GPR146: variants seen among roughly 807,000 people sequenced by gnomAD.
GPR146 encodes the protein G protein-coupled receptor 146.
For synonymous variants in GPR146, 203 were observed against 104.3 expected (o/e 1.95, Z -5.77); for missense variants, 381 against 213.9 (o/e 1.78, Z -4.87).
rs1192771700 is a variant in GPR146, at chr7:1,058,815, T to A, written c.*298T>A. The A allele has an allele frequency of 2.4e-6, 1 of 417,816 alleles. No individual in the cohort carries two copies. The highest frequency in any genetic ancestry group is 2.0e-5 in the African/African-American group (1 of 50,708). 25.9% of individuals were successfully genotyped at this position (417,816 alleles called of 1,614,324 possible). A position where few individuals can be genotyped will look rare whatever the true frequency, so the allele number is the denominator to read the frequency against. ...GCCTCCTCAGCATTCAGTTTGTCAATGAAGTGATGAAAGCTTAGAGCCAGT... is the reference window on the plus strand; with the variant it reads ...GCCTCCTCAGCATTCAGTTTGTCAAAGAAGTGATGAAAGCTTAGAGCCAGT... On this transcript the variant is annotated 3_prime_UTR_variant, in exon 2 of 2. Coordinates refer to ENST00000444847, the MANE Select transcript of GPR146 (RefSeq NM_001303473.2).
chr7:1,054,219 G>A (rs190644761), intron 1 of GPR146, among the ~76,000 whole-genome samples: 7 of 152,328 alleles, frequency 4.6e-5, no homozygotes, highest in East Asian at 1.9e-4. Context: ...GGGCCAACAC[G>A]CAAAGCGCGT....
rs1196153610 is a variant in GPR146, at chr7:1,058,031, C to T, written c.516C>T (p.Ser172=). The change falls in exon 2 of 2, where the codon TCC becomes TCT. Residue 172 remains serine (S), a synonymous_variant. Transcript: ENST00000444847. ...TCTTCTACATCTGCAGCCATGTGTC[C>T]ACCCGCGCGCTAGAGTGCGCCAAGA... The part of the protein sequence containing the change: ...SLLFYICSHV[S]TRALECAKMQ... 1.3e-6 allele frequency: 1 copy of T among 769,358 alleles called. No individual in the cohort carries two copies. The highest frequency in any genetic ancestry group is 2.4e-6 in the Non-Finnish European group (1 of 417,986). The allele number at this position is 769,358 out of a possible 1,614,324, so 47.7% of individuals were successfully genotyped here.
At chr7:1,051,100 G>A (rs926191313) in intron 1 of GPR146, among the ~76,000 whole-genome samples, 1 of 152,208 alleles carries the variant, frequency 6.6e-6, no homozygotes. Flanking sequence ...CAGCACACCC[G>A]GACTTCTCGG....
intron 1 of GPR146, among the ~76,000 whole-genome samples, chr7:1,051,424 G>A (rs772691177): frequency 3.3e-5 from 5 of 152,240 alleles, no homozygotes; most frequent in Non-Finnish European, 7.3e-5. Context: ...GAGCACATTT[G>A]CTCACGTCTC....
At chr7:1,047,841 CAGT>C (rs373662480) in intron 1 of GPR146, among the ~76,000 whole-genome samples, 1 of 152,234 alleles carries the variant, frequency 6.6e-6, no homozygotes, top group African/African-American at 2.4e-5. Flanking sequence ...CCTTTCTACT[CAGT>C]GGGGAAATTG....
intron 1 of GPR146, among the ~76,000 whole-genome samples, chr7:1,050,072 C>T (rs2128195499): frequency 1.3e-5 from 2 of 152,372 alleles, no homozygotes; most frequent in East Asian, 3.9e-4. Flanking sequence ...GCGGGCCCCA[C>T]TCTGAACCGC....
At chr7:1,051,391 A>C (rs1783097187) in intron 1 of GPR146, among the ~76,000 whole-genome samples, 1 of 152,234 alleles carries the variant, frequency 6.6e-6, no homozygotes, top group African/African-American at 2.4e-5. Flanking sequence ...TAAGGGGTGC[A>C]GCAGTTTCCC....
chr7:1,045,631 ATAAT>A (rs1474029848), intron 1 of GPR146: 1 of 152,250 alleles, frequency 6.6e-6, no homozygotes, highest in Non-Finnish European at 1.5e-5. Context: ...GGCACTGTTA[ATAAT>A]TAGACGAAGT....
At chr7:1,054,758 G>A (rs888256969) in intron 1 of GPR146, among the ~76,000 whole-genome samples, 4 of 152,178 alleles carry the variant, frequency 2.6e-5, no homozygotes, top group African/African-American at 9.7e-5. Flanking sequence ...GTGTGGGGCC[G>A]GCTCAGCTTT....
At chr7:1,048,998 T>C (rs1782843608) in intron 1 of GPR146, among the ~76,000 whole-genome samples, 1 of 152,186 alleles carries the variant, frequency 6.6e-6, no homozygotes, top group South Asian at 2.1e-4. Context: ...ACCATAAAAC[T>C]GCAAAGCCTC....
At chr7:1,055,668 C>T (rs116783339) in intron 1 of GPR146, among the ~76,000 whole-genome samples, 2,613 of 152,272 alleles carry the variant, frequency 0.017, 44 homozygotes, top group African/African-American at 0.046. Context: ...ACAGAGCACA[C>T]TGAGGGGTCC....
intron 1 of GPR146, among the ~76,000 whole-genome samples, chr7:1,049,796 C>T (rs376159911): frequency 3.9e-5 from 6 of 152,222 alleles, no homozygotes; most frequent in Admixed American, 1.3e-4. Flanking sequence ...GGACTGTTTT[C>T]GGTCAAATTT....
intron 1 of GPR146, among the ~76,000 whole-genome samples, chr7:1,046,622 G>A (rs1782604742): frequency 1.3e-5 from 2 of 152,176 alleles, no homozygotes; most frequent in South Asian, 4.1e-4. Context: ...TGCTGCCCGG[G>A]ACCAGAAGTC....
chr7:1,056,776 G>A (rs1783825147), intron 1 of GPR146: 2 of 151,908 alleles, frequency 1.3e-5, no homozygotes, highest in Non-Finnish European at 2.9e-5. Flanking sequence ...TCCGAGAGTA[G>A]GAGGTCAGCC....
Position 1,058,961 on chromosome 7 carries a change from AG to A in GPR146, c.*447del, listed in dbSNP as rs373084012. 20 of 187,076 alleles carry A rather than the reference AG, an allele frequency of 1.1e-4. No homozygotes were observed. The highest frequency in any genetic ancestry group is 4.5e-4 in the African/African-American group (19 of 41,884). 11.6% of individuals were successfully genotyped at this position (187,076 alleles called of 1,614,324 possible). ...ACCCTACGAAAGAATGGCAACAGCC[AG>A]GGTGGCCGGGCCCTGCCAGTGGGCG... is the stretch of plus-strand genomic sequence containing the variant. On this transcript the variant is annotated 3_prime_UTR_variant, in exon 2 of 2. Transcript: ENST00000444847.
intron 1 of GPR146, among the ~76,000 whole-genome samples, chr7:1,049,960 C>A (rs568679387): frequency 2.6e-5 from 4 of 152,186 alleles, no homozygotes. Flanking sequence ...CCCACCCCAC[C>A]CCAACAAGGA....
chr7:1,051,605 G>A (rs185031298), intron 1 of GPR146, among the ~76,000 whole-genome samples: 76 of 152,354 alleles, frequency 5.0e-4, no homozygotes, highest in African/African-American at 1.7e-3. Flanking sequence ...GATATCTCCC[G>A]CATGTCAGCC....
chr7:1,047,289 C>T (rs1782671341), intron 1 of GPR146, among the ~76,000 whole-genome samples: 1 of 152,210 alleles, frequency 6.6e-6, no homozygotes, highest in South Asian at 2.1e-4. Context: ...TCGCTATTAT[C>T]CATGGAAAAA....
chr7:1,055,218 G>GGAGGGAGGGGCGGTGGCGCCTGCC (rs1783600930), intron 1 of GPR146: 1 of 470,674 alleles, frequency 2.1e-6, no homozygotes, highest in Non-Finnish European at 4.4e-6. Context: ...GTAAACAGCA[G>GGAGGGAGGGGCGGTGGCGCCTGCC]GAGGGAGGGG....
Sources: gnomAD v4.1 joint callset for allele counts (sites outside exome capture counted in the v4.1 genomes callset) on GRCh38, gnomAD v4.1.1 for gene constraint, MANE v1.5 for transcripts, NCBI Gene and HGNC (gene_info 2026-07-23, HGNC 2026-07-21) for gene names.